Variants in PTPN13 observed in about 807,000 individuals in gnomAD.
The protein encoded by PTPN13 is protein tyrosine phosphatase non-receptor type 13.
A neutral mutation model predicts 284.0 loss-of-function variants in PTPN13; 191 were observed. The ratio of observed to expected loss-of-function variants is 0.67; its 90% CI spans 0.60 to 0.76. The LOEUF is 0.76. Ranked by LOEUF, PTPN13 falls within the 30% of genes least tolerant of loss-of-function variation. The pLI is 0.00. For synonymous variants in PTPN13, 986 were observed against 1,022.3 expected (o/e 0.96, Z 0.68); for missense variants, 2,797 against 2,939.9 (o/e 0.95, Z 1.12).
At chr4:86,662,045 C>CCAG (rs1726550885) in intron 2 of PTPN13, among the ~76,000 whole-genome samples, 1 of 151,932 alleles carries the variant, frequency 6.6e-6, no homozygotes, top group Non-Finnish European at 1.5e-5. Flanking sequence ...TACTGTAAAA[C>CCAG]TTTTTTTTAC....
chr4:86,645,938 A>G (rs1257043357), intron 2 of PTPN13, among the ~76,000 whole-genome samples: 2 of 152,234 alleles, frequency 1.3e-5, no homozygotes, highest in African/African-American at 4.8e-5. Flanking sequence ...GATTTATTAT[A>G]AAGCTACAGT....
chr4:86,742,863 A>T (rs1200194283), intron 16 of PTPN13, among the ~76,000 whole-genome samples: 1 of 152,234 alleles, frequency 6.6e-6, no homozygotes, highest in Non-Finnish European at 1.5e-5. Flanking sequence ...ATCACACAGC[A>T]GTCAACTCTA....
intron 24 of PTPN13, 105 bp downstream of exon 24, chr4:86,763,295 A>T (rs906695008): frequency 9.9e-7 from 1 of 1,007,584 alleles, no homozygotes; most frequent in South Asian, 1.6e-5. Flanking sequence ...ATTATTCTGG[A>T]AAAAAGAAAT....
At chr4:86,669,285 G>GTATAGATGTA (rs1727457458) in intron 2 of PTPN13, among the ~76,000 whole-genome samples, 1 of 113,342 alleles carries the variant, frequency 8.8e-6, no homozygotes, top group South Asian at 3.5e-4. Flanking sequence ...GGAAGAAGAT[G>GTATAGATGTA]TATATATATA....
At chr4:86,643,737 G>A (rs377203997) in intron 2 of PTPN13, among the ~76,000 whole-genome samples, 3 of 151,926 alleles carry the variant, frequency 2.0e-5, no homozygotes, top group South Asian at 2.1e-4. Flanking sequence ...TAATCTGTTC[G>A]GTCTAATCAT....
At chr4:86,789,218 T>A (rs543993261) in intron 40 of PTPN13, among the ~76,000 whole-genome samples, 13 of 152,384 alleles carry the variant, frequency 8.5e-5, no homozygotes, top group African/African-American at 3.1e-4. Flanking sequence ...CTCTTGCCAC[T>A]GAAATGGATC....
Position 86,784,142 on chromosome 4 carries a change from A to G in PTPN13, c.6025-323A>G, listed in dbSNP as rs1741642167. 2.0e-5 allele frequency among the ~76,000 whole-genome samples: 3 copies of G among 152,166 alleles called. No individual in the cohort carries two copies. The South Asian group carries it at 6.2e-4, about 31-fold the overall frequency. ...TCAAAAAAGAGATGTCTACAGTCAG[A>G]TATTTTAAGAAGTACTACATAATAG... is the stretch of plus-strand genomic sequence containing the variant. On this transcript the variant is annotated intron_variant, in intron 37 of 47. Transcript: ENST00000411767.
At chr4:86,714,754 A>G (rs1472598921) in intron 7 of PTPN13, among the ~76,000 whole-genome samples, 1 of 152,112 alleles carries the variant, frequency 6.6e-6, no homozygotes, top group African/African-American at 2.4e-5. Flanking sequence ...CACTCAGAAA[A>G]TATTCATTTT....
At chr4:86,620,920 C>G (rs1289530986) in intron 1 of PTPN13, among the ~76,000 whole-genome samples, 2 of 152,176 alleles carry the variant, frequency 1.3e-5, no homozygotes, top group African/African-American at 2.4e-5. Context: ...ATAGACATAG[C>G]TAAAGATTTT....
intron 31 of PTPN13, among the ~76,000 whole-genome samples, chr4:86,772,503 G>A (rs1302521695): frequency 5.9e-5 from 9 of 151,958 alleles, no homozygotes; most frequent in Admixed American, 2.6e-4. Flanking sequence ...GCAGTGAGCC[G>A]AGATTTCACC....
intron 3 of PTPN13, among the ~76,000 whole-genome samples, chr4:86,675,875 G>T (rs1349163571): frequency 1.3e-5 from 2 of 152,210 alleles, no homozygotes; most frequent in South Asian, 2.1e-4. Context: ...AGTTCCTGTT[G>T]TGCTTTCTGT....
intron 20 of PTPN13, among the ~76,000 whole-genome samples, chr4:86,757,901 GAGTTGATTATGGTGT>G (rs1738168110): frequency 6.6e-6 from 1 of 152,176 alleles, no homozygotes; most frequent in African/African-American, 2.4e-5. Flanking sequence ...CAAATTCAGG[GAGTTGATTATGGTGT>G]AACAAACAGA....
At chr4:86,600,995 C>T (rs1764252221) in intron 1 of PTPN13, among the ~76,000 whole-genome samples, 1 of 151,772 alleles carries the variant, frequency 6.6e-6, no homozygotes, top group Non-Finnish European at 1.5e-5. Flanking sequence ...ATTTGAACAC[C>T]ATATTGATTA....
chr4:86,646,738 G>A (rs1232783830), intron 2 of PTPN13, among the ~76,000 whole-genome samples: 1 of 152,204 alleles, frequency 6.6e-6, no homozygotes, highest in African/African-American at 2.4e-5. Flanking sequence ...ATGAAACTGT[G>A]TGTCCATACA....
intron 3 of PTPN13, among the ~76,000 whole-genome samples, chr4:86,684,555 G>C (rs1729237135): frequency 6.6e-6 from 1 of 152,076 alleles, no homozygotes; most frequent in East Asian, 1.9e-4. Flanking sequence ...TTGAAAAGTG[G>C]AACAACTTTT....
At chr4:86,677,304 A>G (rs1365650715) in intron 3 of PTPN13, among the ~76,000 whole-genome samples, 1 of 150,750 alleles carries the variant, frequency 6.6e-6, no homozygotes, top group Non-Finnish European at 1.5e-5. Flanking sequence ...TTAAAAATAG[A>G]TGGTAAATTT....
intron 40 of PTPN13, among the ~76,000 whole-genome samples, chr4:86,787,395 C>T (rs1742056380): frequency 6.6e-6 from 1 of 151,866 alleles, no homozygotes; most frequent in South Asian, 2.1e-4. Context: ...GAGTTCAAGA[C>T]CAGCCTGGCC....
intron 7 of PTPN13, among the ~76,000 whole-genome samples, chr4:86,714,359 G>T (rs1168925224): frequency 6.6e-6 from 1 of 151,954 alleles, no homozygotes; most frequent in East Asian, 1.9e-4. Flanking sequence ...TTTTAAGAAG[G>T]TACGATTTTT....
At chr4:86,619,751 CTTTTTCT>C (rs1309412697) in intron 1 of PTPN13, among the ~76,000 whole-genome samples, 3 of 151,420 alleles carry the variant, frequency 2.0e-5, no homozygotes, top group Non-Finnish European at 2.9e-5. Flanking sequence ...AAGTTCCTTT[CTTTTTCT>C]TTTTTCTTTT....
Sources: gnomAD v4.1 joint callset for allele counts (sites outside exome capture counted in the v4.1 genomes callset) on GRCh38, gnomAD v4.1.1 for gene constraint, MANE v1.5 for transcripts, NCBI Gene and HGNC (gene_info 2026-07-23, HGNC 2026-07-21) for gene names.